CSMD3: variants seen among roughly 807,000 people sequenced by gnomAD.
CSMD3 encodes CUB and Sushi multiple domains 3.
Under a neutral mutation model 435.2 loss-of-function variants are expected in CSMD3, and 177 were observed. The ratio of observed to expected loss-of-function variants is 0.41; its 90% confidence interval spans 0.36 to 0.46. The LOEUF is 0.46. Among genes scored for constraint, CSMD3 ranks in the 20% least tolerant of loss-of-function variants. The probability of loss-of-function intolerance (pLI) is 0.34; values close to 1 mark genes in which losing one functional copy is unlikely to be tolerated. For synonymous variants in CSMD3, 1,656 were observed against 1,520.5 expected, an observed-to-expected ratio of 1.09 and a Z score of -2.07; for missense variants, 4,265 against 4,504.6, an observed-to-expected ratio of 0.95 and a Z score of 1.52.
intron 27 of CSMD3, among the ~76,000 whole-genome samples, chr8:112,528,971 TA>T (rs549371201): frequency 2.6e-4 from 40 of 152,174 alleles, no homozygotes; most frequent in African/African-American, 8.7e-4. Flanking sequence ...AGATGGAAGC[TA>T]GGGGCAATTG....
chr8:112,954,728 A>G lies in CSMD3; in HGVS notation c.1376T>C (p.Phe459Ser), dbSNP rs1404765698. The G allele has an allele frequency of 1.3e-6, 2 of 1,599,368 alleles. No individual in the cohort carries two copies. The highest frequency in any genetic ancestry group is 1.7e-6 in the Non-Finnish European group (2 of 1,167,912). The part of the protein sequence containing the change: ...KKAIDFKSRG[F>S]KLFPGKDNSN... ...GTTGTCTTTCCCTGGAAACAATTTA[A>G]ATCCTCTAGATTTAAAATCTATGGC... The change falls in exon 8 of 71, where the codon TTT becomes TCT. Residue 459 changes from phenylalanine to serine, a missense_variant. By Grantham distance (155) the Phe-to-Ser change is radical (BLOSUM62 -2). Transcript: ENST00000297405.
intron 44 of CSMD3, 135 bp downstream of exon 44, chr8:112,336,517 T>C: frequency 1.3e-6 from 1 of 744,678 alleles, no homozygotes; most frequent in South Asian, 1.6e-5. Flanking sequence ...AGACACATAC[T>C]GTCACCCTCA....
intron 10 of CSMD3, among the ~76,000 whole-genome samples, chr8:112,884,652 G>A (rs759172097): frequency 4.0e-5 from 6 of 151,114 alleles, no homozygotes; most frequent in East Asian, 2.0e-4. Context: ...TTCCCATTAA[G>A]AGCCACTAAT....
chr8:112,660,248 T>G (rs2131678085), intron 17 of CSMD3, among the ~76,000 whole-genome samples: 2 of 152,244 alleles, frequency 1.3e-5, no homozygotes, highest in Middle Eastern at 6.8e-3. Flanking sequence ...TAAAACAATC[T>G]TTAGAAAAAA....
chr8:113,241,134 T>A (rs1357026932), intron 3 of CSMD3, among the ~76,000 whole-genome samples: 2 of 152,188 alleles, frequency 1.3e-5, no homozygotes, highest in African/African-American at 2.4e-5. Context: ...CTAGGGCAGA[T>A]GACTAGAATA....
chr8:113,217,204 T>C (rs2092915427), intron 3 of CSMD3, among the ~76,000 whole-genome samples: 1 of 139,420 alleles, frequency 7.2e-6, no homozygotes, highest in African/African-American at 2.9e-5. Flanking sequence ...GCCAGTAAAG[T>C]TTCTGATGTA....
At chr8:113,014,478 C>A (rs577337104) in intron 6 of CSMD3, among the ~76,000 whole-genome samples, 40 of 151,928 alleles carry the variant, frequency 2.6e-4, no homozygotes, top group Admixed American at 1.3e-3. Flanking sequence ...ATAATTCCCC[C>A]AGAAGAAAAT....
chr8:112,228,197 C>A (rs914373907), intron 70 of CSMD3, among the ~76,000 whole-genome samples: 1 of 152,086 alleles, frequency 6.6e-6, no homozygotes, highest in Non-Finnish European at 1.5e-5. Context: ...ACTGAGAGAA[C>A]AGGATCTACT....
intron 5 of CSMD3, among the ~76,000 whole-genome samples, chr8:113,048,083 C>CTTTTTTTTTTTTTTTTTTT (rs35254619): frequency 9.4e-6 from 1 of 106,948 alleles, no homozygotes; most frequent in Non-Finnish European, 1.8e-5. Flanking sequence ...AACTTCAATT[C>CTTTTTTTTTTTTTTTTTTT]TTTTTTTTTT....
intron 23 of CSMD3, among the ~76,000 whole-genome samples, chr8:112,585,648 C>T (rs949997797): frequency 9.2e-5 from 14 of 151,548 alleles, no homozygotes; most frequent in African/African-American, 2.7e-4. Flanking sequence ...TTAAGCATCA[C>T]AAAGAAATAT....
intron 16 of CSMD3, among the ~76,000 whole-genome samples, chr8:112,668,171 G>A (rs985909650): frequency 1.6e-4 from 24 of 152,060 alleles, no homozygotes; most frequent in Non-Finnish European, 2.8e-4. Context: ...TAGTTTTAAA[G>A]GAGGCCATTT....
chr8:112,393,944 T>G (rs1830654783), intron 35 of CSMD3, among the ~76,000 whole-genome samples: 1 of 152,110 alleles, frequency 6.6e-6, no homozygotes, highest in African/African-American at 2.4e-5. Flanking sequence ...CATATTCTCT[T>G]TCTAATCACT....
chr8:112,626,458 T>A (rs561904288), intron 22 of CSMD3, among the ~76,000 whole-genome samples: 1 of 152,222 alleles, frequency 6.6e-6, no homozygotes, highest in South Asian at 2.1e-4. Context: ...CATATATATT[T>A]TCTATTATTT....
intron 4 of CSMD3, among the ~76,000 whole-genome samples, chr8:113,123,305 A>G (rs1174806212): frequency 6.6e-6 from 1 of 152,072 alleles, no homozygotes; most frequent in Non-Finnish European, 1.5e-5. Flanking sequence ...TGTTCATTTT[A>G]TATTGGCATG....
At chr8:113,102,961 T>G (rs1174637184) in intron 4 of CSMD3, among the ~76,000 whole-genome samples, 3 of 152,174 alleles carry the variant, frequency 2.0e-5, no homozygotes, top group Admixed American at 6.6e-5. Context: ...CCATAGCTGA[T>G]GAAGATTAAG....
rs1241554453 is a variant in CSMD3, at chr8:113,092,701, A to G, written c.917+6055T>C. ...TGTAACTTAATGGCTCAACTTGAACAAGATATGATCTTGGGAATGAAAGTA... is the reference window on the plus strand; with the variant it reads ...TGTAACTTAATGGCTCAACTTGAACGAGATATGATCTTGGGAATGAAAGTA... On this transcript the variant is annotated intron_variant, in intron 5 of 70. Transcript: ENST00000297405. Among the ~76,000 whole-genome samples the G allele has an allele frequency of 2.0e-5, 3 of 152,080 alleles. No homozygotes were observed. The East Asian group carries it at 5.8e-4, about 29-fold the overall frequency.
chr8:112,405,591 C>T (rs2130003386), intron 35 of CSMD3, among the ~76,000 whole-genome samples: 1 of 151,782 alleles, frequency 6.6e-6, no homozygotes, highest in East Asian at 1.9e-4. Context: ...GTTAGATATA[C>T]TATTGCAAAA....
chr8:113,386,083 T>G (rs1445638751), intron 1 of CSMD3, among the ~76,000 whole-genome samples: 1 of 152,000 alleles, frequency 6.6e-6, no homozygotes, highest in Non-Finnish European at 1.5e-5. Context: ...AGCCTTGAAT[T>G]TTAGTTGCAG....
In CSMD3 at chr8:112,863,977, A is replaced by T. The variant is rs147869074; in HGVS notation, c.1634-4711T>A. ...CATTAAAGATTAGAACAAAATGTGG[A>T]TCCCCACACTAGTGATACCATTCAA... On this transcript the variant is annotated intron_variant, in intron 10 of 70. Coordinates refer to ENST00000297405, the MANE Select transcript of CSMD3 (RefSeq NM_198123.2). Among the ~76,000 whole-genome samples, 37 of 152,274 alleles carry T rather than the reference A, an allele frequency of 2.4e-4. No individual in the cohort carries two copies. The East Asian group carries it at 6.6e-3, about 27-fold the overall frequency.
Sources: allele counts gnomAD v4.1 joint callset (sites outside exome capture counted in the v4.1 genomes callset), GRCh38; gene constraint gnomAD v4.1.1; transcripts MANE v1.5; gene names NCBI Gene and HGNC (gene_info 2026-07-23, HGNC 2026-07-21).